Variants in KDM5A observed in about 807,000 individuals in gnomAD.
KDM5A encodes lysine-specific demethylase 5A.
KDM5A carries 42 observed loss-of-function variants against 193.5 expected under a neutral mutation model. The ratio of observed to expected loss-of-function variants is 0.22; its 90% CI spans 0.17 to 0.28. The LOEUF (loss-of-function observed/expected upper bound fraction) is 0.28, where lower values mean the gene tolerates loss of function less well. Ranked by LOEUF, KDM5A falls within the 10% of genes least tolerant of loss-of-function variation. The pLI, the probability that KDM5A is intolerant of heterozygous loss-of-function variation, is 1.00. For synonymous variants in KDM5A, 796 were observed against 718.1 expected (o/e 1.11, Z -1.73); for missense variants, 1,692 against 2,055.1 (o/e 0.82, Z 3.42).
intron 2 of KDM5A, among the ~76,000 whole-genome samples, 162 bp downstream of exon 2, chr12:385,735 T>C (rs1248128303): frequency 1.3e-5 from 2 of 152,200 alleles, no homozygotes; most frequent in Non-Finnish European, 2.9e-5. Flanking sequence ...TTGCACAGTT[T>C]TTAAAAAATC....
chr12:292,985 T>C lies in KDM5A; in HGVS notation c.4640A>G (p.Glu1547Gly), dbSNP rs1424670941. The C allele has an allele frequency of 3.1e-6, 5 of 1,609,726 alleles. No individual in the cohort carries two copies. Among genetic ancestry groups the C allele is most frequent in the Non-Finnish European group, 4.2e-6 (5 of 1,179,270 alleles). ...TAGTTTCTTGGCCAGTTTATTCAGCTCCTTTGATTTGTCTGCACCTAATTT... is the reference window on the plus strand; with the variant it reads ...TAGTTTCTTGGCCAGTTTATTCAGCCCCTTTGATTTGTCTGCACCTAATTT... ...KLKLGADKSKELNKLAKKLAK... is the reference protein window; with the variant it reads ...KLKLGADKSKGLNKLAKKLAK... Residue 1547 changes from glutamate to glycine, a missense_variant, in exon 27 of 28, where the codon GAG becomes GGG. Glu to Gly is a moderately conservative substitution (Grantham distance 98, BLOSUM62 -2). Transcript: ENST00000399788.
chr12:302,919 C>T (rs1318875540), intron 24 of KDM5A, among the ~76,000 whole-genome samples: 1 of 152,180 alleles, frequency 6.6e-6, no homozygotes, highest in Non-Finnish European at 1.5e-5. Context: ...TGAAAAAATG[C>T]TCATCATCAC....
intron 13 of KDM5A, among the ~76,000 whole-genome samples, chr12:330,085 G>GTGTGTGTGTGTATATA (rs377271333): frequency 0.04 from 5,569 of 139,110 alleles, 135 homozygotes; most frequent in Non-Finnish European, 0.049. Context: ...GTGTGTGTGT[G>GTGTGTGTGTGTATATA]TATATATATA....
chr12:357,517 G>A (rs1027366001), intron 5 of KDM5A, among the ~76,000 whole-genome samples: 1 of 151,200 alleles, frequency 6.6e-6, no homozygotes, highest in African/African-American at 2.4e-5. Context: ...AAAAAAAGAG[G>A]AAAGCATCTT....
At position 307,834 on chromosome 12, in the gene KDM5A, A is replaced by G. The variant is rs1943530587; in HGVS notation, c.3550T>C (p.Phe1184Leu). Residue 1184 changes from phenylalanine to leucine, a missense_variant, in exon 23 of 28, where the codon TTC becomes CTC. Phe to Leu is a conservative substitution (Grantham distance 22, BLOSUM62 0). This residue lies in a region of KDM5A where 965 missense variants were observed against 1,061.0 expected (regional missense o/e 0.91). Coordinates refer to ENST00000399788, the MANE Select transcript of KDM5A (RefSeq NM_001042603.3). The surrounding 1 kb of genome is among the most constrained non-coding windows in gnomAD (Gnocchi z 4.3). ...GGAAGAGGAACACAGCTGTTATGGAACCAGTCTTTGCAGAGCTCACACTGT... is the reference window on the plus strand; with the variant it reads ...GGAAGAGGAACACAGCTGTTATGGAGCCAGTCTTTGCAGAGCTCACACTGT... ...MLQCELCKDW[F>L]HNSCVPLPKS... 1 of 1,614,018 alleles carries G rather than the reference A, an allele frequency of 6.2e-7. No homozygotes were observed. Among genetic ancestry groups the G allele is most frequent in the Non-Finnish European group, 8.5e-7 (1 of 1,180,028 alleles).
In KDM5A at chr12:362,911, CAGG is replaced by C. The variant is rs1944309522; in HGVS notation, c.672+49_672+51del. The C allele has an allele frequency of 2.6e-6, 4 of 1,562,138 alleles. No individual in the cohort carries two copies. The South Asian group carries it at 4.4e-5, about 17-fold the overall frequency. On this transcript the variant is annotated intron_variant, in intron 5 of 27. Transcript: ENST00000399788. ...AGTTCAAGGCTAGCCTGGGCAACAT[CAGG>C]AGACTACATCTTTATTTAAAAATTT...
intron 27 of KDM5A, chr12:286,049 TACA>T: frequency 2.4e-6 from 1 of 417,320 alleles, no homozygotes; most frequent in South Asian, 2.0e-5. Context: ...AAAGGAAGAG[TACA>T]ACAATGTGAA....
At chr12:362,220 T>C (rs1384493582) in intron 5 of KDM5A, among the ~76,000 whole-genome samples, 1 of 151,514 alleles carries the variant, frequency 6.6e-6, no homozygotes, top group Non-Finnish European at 1.5e-5. Context: ...CAAACTTGTC[T>C]TTACTAAAAA....
intron 12 of KDM5A, 122 bp from the exon 13 acceptor site, chr12:332,060 G>A (rs778927821): frequency 1.2e-5 from 11 of 880,640 alleles, no homozygotes; most frequent in Non-Finnish European, 2.0e-5. Flanking sequence ...AAAGCATTAA[G>A]TTACACATAT....
chr12:351,952 A>C (rs1944165099), intron 9 of KDM5A, among the ~76,000 whole-genome samples: 1 of 151,802 alleles, frequency 6.6e-6, no homozygotes, highest in African/African-American at 2.4e-5. Flanking sequence ...AAAAACACAA[A>C]AATTAGCTGG....
At position 389,120 on chromosome 12, in the gene KDM5A, C is replaced by T. The variant is rs1944694246; in HGVS notation, c.-29G>A. On this transcript the variant is annotated 5_prime_UTR_variant, in exon 1 of 28. Transcript: ENST00000399788. ...AACGGCCGGGGGGGGGGGGGGGTCCCCGTGGGGAACCGGTGGAGAAAAGCT... is the reference window on the plus strand; with the variant it reads ...AACGGCCGGGGGGGGGGGGGGGTCCTCGTGGGGAACCGGTGGAGAAAAGCT... The T allele has an allele frequency of 4.4e-6, 7 of 1,589,632 alleles. 1 individual carries two copies. Among genetic ancestry groups the T allele is most frequent in the Non-Finnish European group, 6.0e-6 (7 of 1,165,238 alleles).
chr12:313,015 G>A (rs1463204692), intron 20 of KDM5A, 41 bp downstream of exon 20: 2 of 1,592,264 alleles, frequency 1.3e-6, no homozygotes, highest in Admixed American at 3.3e-5. Flanking sequence ...CCATGAAACA[G>A]GCATTACCTG....
chr12:360,588 T>C (rs1344072620), intron 5 of KDM5A, among the ~76,000 whole-genome samples: 1 of 152,164 alleles, frequency 6.6e-6, no homozygotes, highest in Non-Finnish European at 1.5e-5. Context: ...ATCTCAGAAT[T>C]TGACAATTAA....
At chr12:354,346 C>A (rs2137454961) in intron 7 of KDM5A, 112 bp from the exon 8 acceptor site, 1 of 731,976 alleles carries the variant, frequency 1.4e-6, no homozygotes, top group Non-Finnish European at 2.3e-6. Context: ...GTAAACATAA[C>A]TTAAATCCTG....
chr12:296,741 C>T (rs966332094), intron 25 of KDM5A, among the ~76,000 whole-genome samples: 1 of 152,180 alleles, frequency 6.6e-6, no homozygotes, highest in African/African-American at 2.4e-5. Context: ...ATAATGACCA[C>T]ATAGAGGGTG....
intron 27 of KDM5A, 134 bp from the exon 28 acceptor site, chr12:285,796 G>C: frequency 1.3e-6 from 1 of 785,306 alleles, no homozygotes; most frequent in Non-Finnish European, 2.2e-6. Flanking sequence ...ACTTCTTATG[G>C]GGTTATTTTT....
At chr12:350,895 T>C (rs1301040192) in intron 9 of KDM5A, 116 bp from the exon 10 acceptor site, 33 of 935,764 alleles carry the variant, frequency 3.5e-5, no homozygotes, top group Non-Finnish European at 5.4e-5. Flanking sequence ...AATCTTCTGA[T>C]TCCCTAGAGC....
chr12:296,256 A>G (rs1236931062), intron 25 of KDM5A, among the ~76,000 whole-genome samples: 1 of 149,398 alleles, frequency 6.7e-6, no homozygotes, highest in African/African-American at 2.5e-5. Context: ...AGGCAGGGGG[A>G]GGTTGCAGTG....
chr12:289,832 C>T (rs1289795266), intron 27 of KDM5A, among the ~76,000 whole-genome samples: 2 of 150,836 alleles, frequency 1.3e-5, no homozygotes, highest in Admixed American at 1.3e-4. Context: ...AACAAGTGAA[C>T]CCTGGAAGTT....
Sources: allele counts gnomAD v4.1 joint callset (sites outside exome capture counted in the v4.1 genomes callset), GRCh38; gene constraint gnomAD v4.1.1; regional missense constraint gnomAD v4.1.1; non-coding constraint Gnocchi (gnomAD v3.1); transcripts MANE v1.5; gene names NCBI Gene and HGNC (gene_info 2026-07-23, HGNC 2026-07-21).